OCA2: variants seen among roughly 807,000 people sequenced by gnomAD.
The protein encoded by OCA2 is P protein.
A neutral mutation model predicts 100.2 loss-of-function variants in OCA2; 77 were observed. The ratio of observed to expected loss-of-function variants is 0.77; its 90% CI spans 0.64 to 0.93. The LOEUF (loss-of-function observed/expected upper bound fraction) is 0.93, where lower values mean the gene tolerates loss of function less well. Ranked by LOEUF, OCA2 falls within the 40% of genes least tolerant of loss-of-function variation. The pLI is 0.00. For missense variants in OCA2, 1,062 were observed against 1,089.1 expected (o/e 0.98, Z 0.35); for synonymous variants, 432 against 439.2 (o/e 0.98, Z 0.21).
chr15:27,996,001 CG>C (rs2041715633), intron 9 of OCA2, among the ~76,000 whole-genome samples: 2 of 151,850 alleles, frequency 1.3e-5, no homozygotes, highest in South Asian at 2.1e-4. Flanking sequence ...TCAGTAGAGA[CG>C]GGGTTTCACT....
chr15:27,743,762 G>A, the OCA2 span, among the ~76,000 whole-genome samples: 1 of 152,186 alleles, frequency 6.6e-6, no homozygotes, highest in Non-Finnish European at 1.5e-5. Context: ...CACGGCAAAT[G>A]CATTCCATCA....
intron 19 of OCA2, among the ~76,000 whole-genome samples, chr15:27,905,009 C>T (rs2038116518): frequency 6.6e-6 from 1 of 151,992 alleles, no homozygotes; most frequent in African/African-American, 2.4e-5. Flanking sequence ...ACTAAAAATA[C>T]AAAAATTAGC....
At chr15:27,848,238 G>C (rs558788639) in intron 22 of OCA2, among the ~76,000 whole-genome samples, 7 of 152,188 alleles carry the variant, frequency 4.6e-5, no homozygotes, top group Admixed American at 3.3e-4. Context: ...CCCTATCATG[G>C]GCAGGGGCAG....
intron 6 of OCA2, 57 bp downstream of exon 6, chr15:28,022,444 C>A: frequency 4.0e-6 from 5 of 1,245,576 alleles, no homozygotes; most frequent in Non-Finnish European, 4.7e-6. Flanking sequence ...GCAAGTGTCT[C>A]CTTGTGTTTC....
the OCA2 span, among the ~76,000 whole-genome samples, chr15:27,728,527 G>A: frequency 4.6e-5 from 7 of 152,048 alleles, no homozygotes; most frequent in Non-Finnish European, 7.4e-5. Flanking sequence ...AGCTGGCACT[G>A]TTCCTGCTGA....
At chr15:28,012,330 G>C (rs1219381883) in intron 9 of OCA2, among the ~76,000 whole-genome samples, 1 of 152,200 alleles carries the variant, frequency 6.6e-6, no homozygotes, top group Non-Finnish European at 1.5e-5. Context: ...CAGATGTGTA[G>C]AACAAGCCGT....
chr15:28,085,024 G>T (rs2044754159), intron 1 of OCA2, among the ~76,000 whole-genome samples: 1 of 152,196 alleles, frequency 6.6e-6, no homozygotes, highest in Non-Finnish European at 1.5e-5. Flanking sequence ...AAACCAGGGT[G>T]TGAACACCAG....
chr15:27,828,771 G>A (rs1028616689), intron 23 of OCA2, among the ~76,000 whole-genome samples: 12 of 152,266 alleles, frequency 7.9e-5, no homozygotes, highest in African/African-American at 1.4e-4. Context: ...GGGGTAAACC[G>A]GTGGCAAGTG....
intron 23 of OCA2, among the ~76,000 whole-genome samples, chr15:27,840,475 A>G (rs1446201159): frequency 6.6e-6 from 1 of 152,216 alleles, no homozygotes; most frequent in Non-Finnish European, 1.5e-5. Flanking sequence ...GTCTATTCCA[A>G]TATTTCTGAT....
chr15:27,789,674 A>T (rs1400111533), intron 23 of OCA2, among the ~76,000 whole-genome samples: 1 of 152,186 alleles, frequency 6.6e-6, no homozygotes, highest in Non-Finnish European at 1.5e-5. Context: ...TCACCTATTA[A>T]ATGTCTGGCT....
chr15:28,002,483 CA>C lies in OCA2; in HGVS notation c.1045-11837del, dbSNP rs1047105215. Among the ~76,000 whole-genome samples the C allele has an allele frequency of 1.2e-3, 185 of 152,172 alleles. 3 individuals carry two copies. Among genetic ancestry groups the C allele is most frequent in the Non-Finnish European group, 4.0e-4 (27 of 68,036 alleles). ...AGAATGCCCACTCGGAGGCTGTGGC[CA>C]CTGGTCCTTATCCCATCACTGGCTC... On this transcript the variant is annotated intron_variant, in intron 9 of 23. Coordinates refer to ENST00000354638, the MANE Select transcript of OCA2 (RefSeq NM_000275.3).
At chr15:27,734,099 G>A in the OCA2 span, among the ~76,000 whole-genome samples, 15 of 150,196 alleles carry the variant, frequency 1.0e-4, no homozygotes, top group Middle Eastern at 3.4e-3. Flanking sequence ...GGCAGAGGTC[G>A]CAGTGGGCCA....
At chr15:27,989,041 A>G (rs1394785898) in intron 11 of OCA2, among the ~76,000 whole-genome samples, 1 of 152,160 alleles carries the variant, frequency 6.6e-6, no homozygotes, top group African/African-American at 2.4e-5. Flanking sequence ...CTGCTGAGGA[A>G]CACGTGGACT....
intron 19 of OCA2, among the ~76,000 whole-genome samples, chr15:27,911,930 A>T (rs1311025123): frequency 6.6e-6 from 1 of 152,214 alleles, no homozygotes; most frequent in Non-Finnish European, 1.5e-5. Flanking sequence ...TGTAAGACTA[A>T]AGACAAAAAG....
At position 28,081,755 on chromosome 15, in the gene OCA2, C is replaced by T. The variant is rs752241657; in HGVS notation, c.120G>A (p.Arg40=). ...ELVAGKRRLP[R]GAGGADPSHS... ...GCGAGGGGTCAGCTCCACCGGCTCC[C>T]CGAGGAAGCCTGCGCTTGCCGGCCA... The change falls in exon 2 of 24, where the codon CGG becomes CGA. Residue 40 remains arginine, a synonymous_variant. Transcript: ENST00000354638. 4 of 1,613,472 alleles carry T rather than the reference C, an allele frequency of 2.5e-6. No individual in the cohort carries two copies. In the Admixed American group the frequency reaches 5.0e-5, roughly 20 times the overall value.
chr15:27,959,993 T>C (rs2040357157), intron 15 of OCA2, among the ~76,000 whole-genome samples: 1 of 152,170 alleles, frequency 6.6e-6, no homozygotes, highest in Non-Finnish European at 1.5e-5. Flanking sequence ...TGTCCATGTA[T>C]CAGTTCCCAG....
chr15:27,893,036 G>T (rs1480237422), intron 19 of OCA2, among the ~76,000 whole-genome samples: 5 of 152,144 alleles, frequency 3.3e-5, no homozygotes, highest in African/African-American at 1.2e-4. Context: ...TAGCCCTTTA[G>T]CCATGAAAGA....
rs771571852 is a variant in OCA2, at chr15:27,966,680, T to G, written c.1636+10A>C. ...AATCTGAGCCTACATGAGGTTGCACTTGTACTCACCAACAATCTCACTGGG... is the reference window on the plus strand; with the variant it reads ...AATCTGAGCCTACATGAGGTTGCACGTGTACTCACCAACAATCTCACTGGG... On this transcript the variant is annotated intron_variant, in intron 15 of 23. Coordinates refer to ENST00000354638, the MANE Select transcript of OCA2 (RefSeq NM_000275.3). 6.2e-7 allele frequency: 1 copy of G among 1,613,910 alleles called. No individual in the cohort carries two copies. The highest frequency in any genetic ancestry group is 8.5e-7 in the Non-Finnish European group (1 of 1,179,944).
At chr15:27,867,029 G>A (rs1190728384) in intron 21 of OCA2, among the ~76,000 whole-genome samples, 1 of 152,222 alleles carries the variant, frequency 6.6e-6, no homozygotes, top group Non-Finnish European at 1.5e-5. Context: ...CAAAAGCTGG[G>A]GGCTTGTGGG....
Sources: allele counts gnomAD v4.1 joint callset (sites outside exome capture counted in the v4.1 genomes callset), GRCh38; gene constraint gnomAD v4.1.1; transcripts MANE v1.5; gene names NCBI Gene and HGNC (gene_info 2026-07-23, HGNC 2026-07-21).